Variants in ROBO2 observed in about 807,000 individuals in gnomAD.
The protein encoded by ROBO2 is roundabout homolog 2.
ROBO2 carries 53 observed loss-of-function variants against 160.8 expected under a neutral mutation model. The ratio of observed to expected loss-of-function variants is 0.33; its 90% CI spans 0.26 to 0.41. ROBO2 has a LOEUF of 0.41. Among genes scored for constraint, ROBO2 ranks in the 10% least tolerant of loss-of-function variants. The pLI is 1.00. For synonymous variants in ROBO2, 664 were observed against 611.7 expected, an observed-to-expected ratio of 1.09 and a Z score of -1.26; for missense variants, 1,577 against 1,722.4, an observed-to-expected ratio of 0.92 and a Z score of 1.49.
intron 2 of ROBO2, among the ~76,000 whole-genome samples, chr3:77,103,059 C>T (rs557366374): frequency 3.9e-5 from 6 of 152,028 alleles, no homozygotes; most frequent in East Asian, 1.9e-4. Flanking sequence ...ATAAAGTTTC[C>T]GTTCTGAACA....
intron 2 of ROBO2, among the ~76,000 whole-genome samples, chr3:76,672,470 A>G (rs974051508): frequency 1.1e-4 from 16 of 152,344 alleles, no homozygotes; most frequent in African/African-American, 3.6e-4. Flanking sequence ...GGATCTTACC[A>G]TAGACAAGTA....
intron 2 of ROBO2, among the ~76,000 whole-genome samples, chr3:76,846,274 A>G (rs1327951179): frequency 1.3e-5 from 2 of 152,164 alleles, no homozygotes; most frequent in East Asian, 3.9e-4. Context: ...GGTAATTAAC[A>G]GAATAGTTAT....
At chr3:76,013,506 T>C (rs1317887558) in intron 2 of ROBO2, among the ~76,000 whole-genome samples, 1 of 149,224 alleles carries the variant, frequency 6.7e-6, no homozygotes, top group Admixed American at 6.7e-5. Flanking sequence ...ATAAAGGCAG[T>C]TGGAGGCTGG....
chr3:77,642,181 G>A (rs914127139), intron 24 of ROBO2, among the ~76,000 whole-genome samples: 4 of 152,106 alleles, frequency 2.6e-5, no homozygotes, highest in African/African-American at 7.2e-5. Flanking sequence ...ATGGGTAAAG[G>A]CAGTCATATG....
intron 2 of ROBO2, among the ~76,000 whole-genome samples, chr3:76,051,245 T>A (rs2067644664): frequency 7.6e-6 from 1 of 131,766 alleles, no homozygotes; most frequent in South Asian, 2.7e-4. Context: ...TTCTATATTT[T>A]AAAAATGAAG....
intron 2 of ROBO2, among the ~76,000 whole-genome samples, chr3:77,428,337 A>ATTTTTTTTTTTTT (rs1491236295): frequency 3.1e-5 from 4 of 128,224 alleles, no homozygotes; most frequent in Non-Finnish European, 4.7e-5. Context: ...AACTTAGGTA[A>ATTTTTTTTTTTTT]TATTTTTTTT....
intron 2 of ROBO2, among the ~76,000 whole-genome samples, chr3:76,505,421 A>G (rs933069019): frequency 2.0e-5 from 3 of 152,224 alleles, no homozygotes; most frequent in African/African-American, 7.2e-5. Context: ...TGTGACCTCC[A>G]AGAGGGTATG....
chr3:77,346,396 T>C (rs1444444420), intron 2 of ROBO2, among the ~76,000 whole-genome samples: 2 of 152,172 alleles, frequency 1.3e-5, no homozygotes, highest in Non-Finnish European at 2.9e-5. Context: ...TCCAGTTTTA[T>C]TACTCCTCAT....
intron 2 of ROBO2, among the ~76,000 whole-genome samples, chr3:76,860,635 G>C (rs867272262): frequency 1.3e-5 from 2 of 151,870 alleles, no homozygotes; most frequent in Non-Finnish European, 2.9e-5. Context: ...ACCTATCCTC[G>C]TCATTGTCTG....
intron 2 of ROBO2, among the ~76,000 whole-genome samples, chr3:76,573,593 AT>A (rs1289699746): frequency 6.0e-5 from 9 of 150,098 alleles, no homozygotes; most frequent in African/African-American, 2.2e-4. Context: ...GATTCCAGAG[AT>A]TTATTTTTCT....
intron 2 of ROBO2, among the ~76,000 whole-genome samples, chr3:76,840,922 G>A (rs2068195105): frequency 2.6e-5 from 4 of 151,944 alleles, no homozygotes; most frequent in Non-Finnish European, 5.9e-5. Context: ...GATGCTCCAA[G>A]ATTCTAGGTC....
intron 2 of ROBO2, among the ~76,000 whole-genome samples, chr3:75,998,957 G>A (rs375857579): frequency 1.3e-4 from 20 of 152,196 alleles, no homozygotes; most frequent in East Asian, 5.8e-4. Context: ...TCATTTCTCC[G>A]CCCTTTTACT....
At chr3:77,317,013 C>A (rs770240210) in intron 2 of ROBO2, 26 of 1,526,764 alleles carry the variant, frequency 1.7e-5, no homozygotes, top group Non-Finnish European at 2.0e-5. Context: ...TCTTGTTCAC[C>A]TTCTGGTAAA....
chr3:77,145,356 A>G (rs2077037961), intron 2 of ROBO2, among the ~76,000 whole-genome samples: 1 of 152,228 alleles, frequency 6.6e-6, no homozygotes, highest in Non-Finnish European at 1.5e-5. Context: ...TAACAAAAAA[A>G]TGTGTATTTA....
chr3:76,740,555 C>T (rs1037111699), intron 2 of ROBO2, among the ~76,000 whole-genome samples: 5 of 152,078 alleles, frequency 3.3e-5, no homozygotes, highest in African/African-American at 1.2e-4. Context: ...TATTTTCTGA[C>T]CTGGAAGAGT....
chr3:77,084,291 A>T lies in ROBO2; in HGVS notation c.62-13723A>T, dbSNP rs561469651. Reference sequence around the variant, plus strand: ...TTACGTGGAATATTAGGCAAACATCATTAAACTCTTAACATTTGTATACTT... The same window carrying T: ...TTACGTGGAATATTAGGCAAACATCTTTAAACTCTTAACATTTGTATACTT... On this transcript the variant is annotated intron_variant, in intron 1 of 25. Coordinates refer to ENST00000461745, the Ensembl canonical transcript of ROBO2. 2.6e-5 allele frequency among the ~76,000 whole-genome samples: 4 copies of T among 152,198 alleles called. 1 individual carries two copies. Among genetic ancestry groups the T allele is most frequent in the Non-Finnish European group, 5.9e-5 (4 of 67,994 alleles).
intron 2 of ROBO2, among the ~76,000 whole-genome samples, chr3:76,997,647 G>A (rs2061095046): frequency 6.6e-6 from 1 of 152,200 alleles, no homozygotes; most frequent in South Asian, 2.1e-4. Context: ...ACCAGATCAA[G>A]AGTGACATGA....
chr3:76,459,284 T>C lies in ROBO2; in HGVS notation c.109+521682T>C, dbSNP rs2077955006. Among the ~76,000 whole-genome samples the C allele has an allele frequency of 2.0e-5, 3 of 152,082 alleles. No homozygotes were observed. In the South Asian group the frequency reaches 6.2e-4, roughly 32 times the overall value. On this transcript the variant is annotated intron_variant, in intron 2 of 26. Coordinates refer to the ROBO2 transcript ENST00000487694. Reference sequence around the variant, plus strand: ...CATATCCTAGTGATATATATACATATATAGCGAGAGAGAGAGAGAAAGATC... The same window carrying C: ...CATATCCTAGTGATATATATACATACATAGCGAGAGAGAGAGAGAAAGATC...
intron 2 of ROBO2, among the ~76,000 whole-genome samples, chr3:76,848,698 G>A (rs2069021257): frequency 6.6e-6 from 1 of 152,184 alleles, no homozygotes; most frequent in African/African-American, 2.4e-5. Flanking sequence ...TTCACATGGG[G>A]AGAGGGAGAA....
Sources: gnomAD v4.1 joint callset for allele counts (sites outside exome capture counted in the v4.1 genomes callset) on GRCh38, gnomAD v4.1.1 for gene constraint, MANE v1.5 for transcripts, NCBI Gene and HGNC (gene_info 2026-07-23, HGNC 2026-07-21) for gene names.